The following SYNPO variants were observed in gnomAD, a reference collection of about 807,000 sequenced individuals.
SYNPO encodes synaptopodin.
In SYNPO, 19 loss-of-function variants were observed where a neutral mutation model predicts 49.5. The ratio of observed to expected loss-of-function variants is 0.38; its 90% CI spans 0.27 to 0.56. SYNPO has a LOEUF of 0.56. SYNPO is among the 20% of genes least tolerant of loss of function. The pLI is 0.68. For missense variants in SYNPO, 1,131 were observed against 1,248.3 expected (o/e 0.91, Z 1.42); for synonymous variants, 536 against 548.0 (o/e 0.98, Z 0.31).
intron 1 of SYNPO, among the ~76,000 whole-genome samples, chr5:150,609,622 C>T (rs1169049931): frequency 6.6e-6 from 1 of 152,224 alleles, no homozygotes; most frequent in Non-Finnish European, 1.5e-5. Context: ...ATTTTTAGTC[C>T]TTGAACCCTT....
At chr5:150,605,817 CAG>C (rs1394627803) in intron 1 of SYNPO, among the ~76,000 whole-genome samples, 1 of 151,872 alleles carries the variant, frequency 6.6e-6, no homozygotes, top group East Asian at 1.9e-4. Flanking sequence ...GAGACACGTA[CAG>C]ACACACACAT....
chr5:150,647,632 A>T (rs1758152874), intron 1 of SYNPO, among the ~76,000 whole-genome samples: 1 of 152,134 alleles, frequency 6.6e-6, no homozygotes. Flanking sequence ...TTCTAGGGTG[A>T]GGTGTTCGTA....
At chr5:150,652,530 G>C in intron 2 of SYNPO, 1 of 502,162 alleles carries the variant, frequency 2.0e-6, no homozygotes, top group Non-Finnish European at 2.6e-6. Context: ...GGTTGGAAAT[G>C]AGGGCTTCCT....
At position 150,657,432 on chromosome 5, in the gene SYNPO, T is replaced by TCTCTCTCTCTCACA. The variant is rs1298503590; in HGVS notation, c.*346_*347insTCTCTCTCTCACAC. The stretch of plus-strand genomic sequence containing the variant: ...CTCTCTCTTTCTCTCTCTCTCTCTC[T>TCTCTCTCTCTCACA]CACACACACACACACACACACACAC... On this transcript the variant is annotated 3_prime_UTR_variant, in exon 3 of 3. Transcript: ENST00000307662. The TCTCTCTCTCTCACA allele has an allele frequency of 7.2e-6, 1 of 138,998 alleles. No individual in the cohort carries two copies. Among genetic ancestry groups the TCTCTCTCTCTCACA allele is most frequent in the Non-Finnish European group, 1.5e-5 (1 of 66,174 alleles). The allele number at this position is 138,998 out of a possible 1,614,324, so 8.6% of individuals were successfully genotyped here. A position where few individuals can be genotyped will look rare whatever the true frequency, so the allele number is the denominator to read the frequency against.
upstream of SYNPO, among the ~76,000 whole-genome samples, chr5:150,596,509 C>T (rs1198725690): frequency 2.0e-5 from 3 of 152,132 alleles, no homozygotes; most frequent in East Asian, 1.9e-4. Context: ...ATCAGTGCCC[C>T]GCCCCTGCTC....
At chr5:150,596,400 A>G (rs1373197227), upstream of SYNPO, among the ~76,000 whole-genome samples, 1 of 152,100 alleles carries the variant, frequency 6.6e-6, no homozygotes, top group Non-Finnish European at 1.5e-5. Context: ...CTGGACTCAG[A>G]TATCCTGGCC....
chr5:150,598,959 T>G (rs1162440244), upstream of SYNPO, among the ~76,000 whole-genome samples: 1 of 152,168 alleles, frequency 6.6e-6, no homozygotes, highest in African/African-American at 2.4e-5. Flanking sequence ...GCCCCTCATA[T>G]GGCCGGGGGA....
At chr5:150,587,103 G>C in the SYNPO span, among the ~76,000 whole-genome samples, 1 of 152,154 alleles carries the variant, frequency 6.6e-6, no homozygotes, top group Non-Finnish European at 1.5e-5. Flanking sequence ...TGGATACATG[G>C]ATGTATATAT....
At chr5:150,609,816 G>T (rs1402483678) in intron 1 of SYNPO, among the ~76,000 whole-genome samples, 1 of 150,468 alleles carries the variant, frequency 6.6e-6, no homozygotes, top group Non-Finnish European at 1.5e-5. Context: ...CAGTCTCAGA[G>T]CCAGGGCCCT....
Position 150,648,589 on chromosome 5 carries a change from T to C in SYNPO, c.314T>C (p.Val105Ala). 6.2e-7 allele frequency: 1 copy of C among 1,614,166 alleles called. No homozygotes were observed. The highest frequency in any genetic ancestry group is 8.5e-7 in the Non-Finnish European group (1 of 1,180,028). ...DVNQNPPATVVPQSLPLSSIQ... is the reference protein window; with the variant it reads ...DVNQNPPATVAPQSLPLSSIQ... ...AATCAGAACCCACCGGCAACTGTTG[T>C]CCCACAGAGCCTGCCACTTTCTAGC... The change falls in exon 2 of 3, where the codon GTC becomes GCC. Residue 105 changes from valine to alanine, a missense_variant. Transcript: ENST00000307662. This position sits in a 1 kb window ranked among gnomAD's most constrained non-coding sequence, Gnocchi z 5.0.
chr5:150,655,112 C>T (rs555439286), intron 2 of SYNPO, among the ~76,000 whole-genome samples: 12 of 152,114 alleles, frequency 7.9e-5, no homozygotes, highest in South Asian at 2.1e-4. Context: ...GCAACAAGAG[C>T]GAAACTCCAT....
At chr5:150,605,153 C>T (rs1756656222) in intron 1 of SYNPO, among the ~76,000 whole-genome samples, 1 of 152,198 alleles carries the variant, frequency 6.6e-6, no homozygotes, top group Non-Finnish European at 1.5e-5. Context: ...AAATTGCTCC[C>T]CTCTGATAGT....
rs58828199 is a variant in SYNPO, at chr5:150,657,432, T to TCACACA, written c.*385_*390dup. On this transcript the variant is annotated 3_prime_UTR_variant, in exon 3 of 3. Coordinates refer to ENST00000307662, the MANE Select transcript of SYNPO (RefSeq NM_007286.6). ...CTCTCTCTTTCTCTCTCTCTCTCTC[T>TCACACA]CACACACACACACACACACACACAC... is the stretch of plus-strand genomic sequence containing the variant. The TCACACA allele has an allele frequency of 6.3e-4, 88 of 139,744 alleles. No homozygotes were observed. The highest frequency in any genetic ancestry group is 3.3e-3 in the South Asian group (16 of 4,834). The allele number at this position is 139,744 out of a possible 1,614,324, so 8.7% of individuals were successfully genotyped here.
intron 1 of SYNPO, among the ~76,000 whole-genome samples, chr5:150,604,939 C>G (rs1756650298): frequency 6.6e-6 from 1 of 152,260 alleles, no homozygotes; most frequent in East Asian, 1.9e-4. Context: ...GTCCCATCCC[C>G]GCTCCCCATG....
At chr5:150,612,062 A>G (rs750673396) in intron 1 of SYNPO, among the ~76,000 whole-genome samples, 6 of 152,218 alleles carry the variant, frequency 3.9e-5, no homozygotes, top group Non-Finnish European at 7.4e-5. Context: ...CCAACCTTGG[A>G]TCTCATCCCC....
At chr5:150,624,284 G>C (rs922802641) in intron 2 of SYNPO, among the ~76,000 whole-genome samples, 1 of 152,202 alleles carries the variant, frequency 6.6e-6, no homozygotes, top group African/African-American at 2.4e-5. Context: ...ATGGGCCTGA[G>C]CACCCAGGTC....
chr5:150,586,389 T>C, the SYNPO span, among the ~76,000 whole-genome samples: 1 of 152,258 alleles, frequency 6.6e-6, no homozygotes, highest in Middle Eastern at 3.2e-3. Context: ...GTCTCATCTT[T>C]CGGGTCTTAG....
chr5:150,596,119 G>A (rs889228894), upstream of SYNPO, among the ~76,000 whole-genome samples: 3 of 152,194 alleles, frequency 2.0e-5, no homozygotes, highest in African/African-American at 7.2e-5. Context: ...TAGTTTGGGG[G>A]TTTAAGCTGG....
At chr5:150,610,270 G>A (rs1376542363) in intron 1 of SYNPO, among the ~76,000 whole-genome samples, 1 of 152,198 alleles carries the variant, frequency 6.6e-6, no homozygotes, top group Non-Finnish European at 1.5e-5. Flanking sequence ...GTGGAGGCAT[G>A]TGGCCACAGT....
Sources: gnomAD v4.1 joint callset for allele counts (sites outside exome capture counted in the v4.1 genomes callset) on GRCh38, gnomAD v4.1.1 for gene constraint, Gnocchi (gnomAD v3.1) non-coding constraint, MANE v1.5 for transcripts, NCBI Gene and HGNC (gene_info 2026-07-23, HGNC 2026-07-21) for gene names.